EYS: variants seen among roughly 807,000 people sequenced by gnomAD.
EYS encodes EGF-like photoreceptor maintenance factor, also known as protein eyes shut homolog.
In EYS, 250 loss-of-function variants were observed where a neutral mutation model predicts 282.1. That is an observed-to-expected ratio of 0.89 (90% CI 0.80 to 0.98). EYS has a LOEUF of 0.98. Ranked by LOEUF, EYS falls within the 50% of genes least tolerant of loss-of-function variation. The pLI, the probability that EYS is intolerant of heterozygous loss-of-function variation, is 0.00. For synonymous variants in EYS, 1,355 were observed against 1,282.9 expected (o/e 1.06, Z -1.20); for missense variants, 4,016 against 3,709.0 (o/e 1.08, Z -2.15).
intron 22 of EYS, among the ~76,000 whole-genome samples, chr6:64,805,644 A>T (rs1764399665): frequency 6.6e-6 from 1 of 151,538 alleles, no homozygotes; most frequent in Non-Finnish European, 1.5e-5. Context: ...AATCAGTTCC[A>T]AAAGTTATGC....
intron 13 of EYS, among the ~76,000 whole-genome samples, chr6:65,050,793 G>A (rs939569203): frequency 1.3e-5 from 2 of 151,632 alleles, no homozygotes; most frequent in African/African-American, 4.8e-5. Context: ...CACTTCACAA[G>A]CACTTAAAAA....
rs562089583 is a variant in EYS, at chr6:64,651,941, G to A, written c.3444-25696C>T. 8.5e-5 allele frequency among the ~76,000 whole-genome samples: 13 copies of A among 152,220 alleles called. No homozygotes were observed. In the South Asian group the frequency reaches 2.7e-3, roughly 32 times the overall value. The stretch of plus-strand genomic sequence containing the variant: ...TTTTGCTGTTATTGTTTAATGTTGA[G>A]ATAAAGTTCTGTTAATTGGCATACA... On this transcript the variant is annotated intron_variant, in intron 22 of 42. Transcript: ENST00000503581.
chr6:64,158,540 T>C (rs545012552), intron 31 of EYS, among the ~76,000 whole-genome samples: 86 of 152,308 alleles, frequency 5.6e-4, no homozygotes, highest in Non-Finnish European at 7.8e-4. Flanking sequence ...TTTTCCCTTC[T>C]CACTCTCTCC....
At chr6:64,754,630 T>A in intron 22 of EYS, among the ~76,000 whole-genome samples, 2 of 152,240 alleles carry the variant, frequency 1.3e-5, no homozygotes, top group Middle Eastern at 3.4e-3. Flanking sequence ...TTATAAAGAA[T>A]ACACCAAAAT....
At chr6:65,064,787 T>A (rs951071278) in intron 12 of EYS, among the ~76,000 whole-genome samples, 1 of 151,966 alleles carries the variant, frequency 6.6e-6, no homozygotes, top group African/African-American at 2.4e-5. Context: ...CTCTATTCCC[T>A]CCTCAGGTAG....
chr6:65,413,645 G>A (rs1196756942), intron 5 of EYS, among the ~76,000 whole-genome samples: 2 of 151,952 alleles, frequency 1.3e-5, no homozygotes, highest in African/African-American at 4.8e-5. Context: ...CGATCATGAG[G>A]TCAGGAGTTC....
intron 29 of EYS, among the ~76,000 whole-genome samples, chr6:64,364,808 A>G (rs1772134074): frequency 6.6e-6 from 1 of 151,938 alleles, no homozygotes; most frequent in Non-Finnish European, 1.5e-5. Flanking sequence ...TACAATGTAC[A>G]CTATTTGGGT....
intron 35 of EYS, among the ~76,000 whole-genome samples, chr6:63,965,646 A>G (rs1766271086): frequency 6.6e-6 from 1 of 152,174 alleles, no homozygotes. Context: ...ACTTGCGTAA[A>G]TGATTTTCTG....
chr6:64,045,345 C>T (rs566452049), intron 33 of EYS, among the ~76,000 whole-genome samples: 6 of 151,244 alleles, frequency 4.0e-5, no homozygotes, highest in Non-Finnish European at 5.9e-5. Context: ...CTATTTTTCC[C>T]GAAGAGTAAC....
intron 29 of EYS, among the ~76,000 whole-genome samples, chr6:64,386,433 T>C (rs1332141916): frequency 6.6e-6 from 1 of 152,080 alleles, no homozygotes. Context: ...GGAGCCCCCA[T>C]TTACAAAACC....
intron 22 of EYS, among the ~76,000 whole-genome samples, chr6:64,640,268 A>G (rs1447988645): frequency 1.4e-5 from 2 of 144,144 alleles, no homozygotes; most frequent in African/African-American, 5.2e-5. Context: ...ACACATGCAC[A>G]TGTATGTTTA....
chr6:64,966,209 A>G (rs536505989), intron 14 of EYS, among the ~76,000 whole-genome samples: 7 of 152,270 alleles, frequency 4.6e-5, no homozygotes, highest in Admixed American at 2.6e-4. Context: ...GTATCAAAAT[A>G]TGAGAAAAAA....
chr6:64,364,860 T>C (rs1266064897), intron 29 of EYS, among the ~76,000 whole-genome samples: 2 of 151,898 alleles, frequency 1.3e-5, no homozygotes, highest in African/African-American at 4.8e-5. Flanking sequence ...CTGCACAATA[T>C]ATTCATGTAA....
chr6:65,055,831 A>G (rs1773396047), intron 13 of EYS, among the ~76,000 whole-genome samples: 1 of 152,050 alleles, frequency 6.6e-6, no homozygotes, highest in Non-Finnish European at 1.5e-5. Flanking sequence ...ACGGCTGTGT[A>G]TGTTGATGTT....
rs1489106030 is a variant in EYS, at chr6:64,148,697, T to G, written c.6425-66695A>C. On this transcript the variant is annotated intron_variant, in intron 31 of 42. Coordinates refer to ENST00000503581, the MANE Select transcript of EYS (RefSeq NM_001142800.2). ...TACATCTTTATCTTTGTCCTATACTTTCTTTGTTTCTATTTTTCTTGCATA... is the reference window on the plus strand; with the variant it reads ...TACATCTTTATCTTTGTCCTATACTGTCTTTGTTTCTATTTTTCTTGCATA... 2.6e-5 allele frequency among the ~76,000 whole-genome samples: 4 copies of G among 152,120 alleles called. No homozygotes were observed. In the South Asian group the frequency reaches 6.2e-4, roughly 24 times the overall value.
At chr6:64,330,205 A>G (rs1203079067) in intron 29 of EYS, among the ~76,000 whole-genome samples, 1 of 152,178 alleles carries the variant, frequency 6.6e-6, no homozygotes, top group Non-Finnish European at 1.5e-5. Context: ...AAAAGGCACA[A>G]ATCTGTGGCC....
chr6:64,521,529 A>G (rs531683629), intron 26 of EYS, among the ~76,000 whole-genome samples: 1 of 151,854 alleles, frequency 6.6e-6, no homozygotes, highest in East Asian at 1.9e-4. Context: ...GCCCATAGAT[A>G]TGCTTGAAGC....
chr6:64,950,166 T>TA, intron 14 of EYS, among the ~76,000 whole-genome samples: 1 of 151,914 alleles, frequency 6.6e-6, no homozygotes, highest in Non-Finnish European at 1.5e-5. Flanking sequence ...AGTGGATTAA[T>TA]ATAAGAAAAT....
intron 30 of EYS, among the ~76,000 whole-genome samples, chr6:64,300,100 C>T (rs1769180953): frequency 6.6e-6 from 1 of 152,114 alleles, no homozygotes; most frequent in Admixed American, 6.6e-5. Context: ...AGTTCTTAGC[C>T]TACCTGGTAA....
Sources: gnomAD v4.1 joint callset for allele counts (sites outside exome capture counted in the v4.1 genomes callset) on GRCh38, gnomAD v4.1.1 for gene constraint, MANE v1.5 for transcripts, NCBI Gene and HGNC (gene_info 2026-07-23, HGNC 2026-07-21) for gene names.